Variants in RGSL1 observed in about 807,000 individuals in gnomAD.
The protein encoded by RGSL1 is regulator of G protein signaling like 1.
Under a neutral mutation model 124.7 loss-of-function variants are expected in RGSL1, and 97 were observed. The observed-to-expected ratio is 0.78, with a 90% CI of 0.66 to 0.92. The LOEUF is 0.92. Among genes scored for constraint, RGSL1 ranks in the 40% least tolerant of loss-of-function variants. RGSL1 has a pLI of 0.00. For synonymous variants in RGSL1, 424 were observed against 438.1 expected (o/e 0.97, Z 0.40); for missense variants, 1,233 against 1,288.4 (o/e 0.96, Z 0.66).
At chr1:182,524,832 C>T (rs1190688214) in intron 10 of RGSL1, among the ~76,000 whole-genome samples, 1 of 152,098 alleles carries the variant, frequency 6.6e-6, no homozygotes, top group African/African-American at 2.4e-5. Flanking sequence ...ACTAGTTGAG[C>T]AAGCAGTAAA....
rs1313507837 is a variant in RGSL1, at chr1:182,530,349, T to C, written c.2231T>C (p.Ile744Thr). 1 of 1,550,206 alleles carries C rather than the reference T, an allele frequency of 6.5e-7. No individual in the cohort carries two copies. The highest frequency in any genetic ancestry group is 2.0e-5 in the Admixed American group (1 of 50,906). Residue 744 changes from isoleucine (I) to threonine (T), a missense_variant, in exon 12 of 22, where the codon ATA (isoleucine) becomes ACA (threonine). Transcript: ENST00000294854. ...LTLQGHVMKS[I>T]EEKWFKDYQD... ...CTCCAGGGACATGTTATGAAATCTA[T>C]AGAAGAAAAGTGGTGAGTATACTCA... is the stretch of plus-strand genomic sequence containing the variant.
chr1:182,536,813 G>A (rs2102288250), intron 14 of RGSL1, among the ~76,000 whole-genome samples: 2 of 152,128 alleles, frequency 1.3e-5, no homozygotes, highest in East Asian at 3.9e-4. Context: ...TCACTATCAT[G>A]AGAACAGCAC....
chr1:182,456,307 T>C (rs180937311), intron 2 of RGSL1, among the ~76,000 whole-genome samples: 38 of 152,052 alleles, frequency 2.5e-4, no homozygotes, highest in African/African-American at 8.9e-4. Context: ...ATCTTTTTTT[T>C]TTTTTTTGAG....
intron 2 of RGSL1, among the ~76,000 whole-genome samples, chr1:182,458,064 G>T (rs935778601): frequency 6.6e-6 from 1 of 152,236 alleles, no homozygotes; most frequent in African/African-American, 2.4e-5. Flanking sequence ...GTCGGCTCAG[G>T]CTCCACAGGA....
chr1:182,553,559 C>A lies in RGSL1; in HGVS notation c.3130+18C>A, dbSNP rs1660693947. ...TCAAAATTGTGAGTTGGAATTGGAT[C>A]CCCACTGATAGTTTGCTACTCAATC... is the stretch of plus-strand genomic sequence containing the variant. On this transcript the variant is annotated intron_variant, in intron 19 of 21. Coordinates refer to ENST00000294854, the MANE Select transcript of RGSL1 (RefSeq NM_001137669.2). 1 of 1,547,422 alleles carries A rather than the reference C, an allele frequency of 6.5e-7. No homozygotes were observed. Among genetic ancestry groups the A allele is most frequent in the Non-Finnish European group, 8.7e-7 (1 of 1,143,230 alleles).
chr1:182,524,143 A>G (rs1658562482), intron 10 of RGSL1, among the ~76,000 whole-genome samples: 1 of 152,208 alleles, frequency 6.6e-6, no homozygotes, highest in South Asian at 2.1e-4. Context: ...CTGAGACCAA[A>G]TAATTAGAAA....
At chr1:182,509,607 A>C (rs1235909079) in intron 9 of RGSL1, among the ~76,000 whole-genome samples, 1 of 118,186 alleles carries the variant, frequency 8.5e-6, no homozygotes, top group South Asian at 2.9e-4. Context: ...ACTTCCCAGT[A>C]GGGGCGGCTG....
chr1:182,534,742 A>T (rs7541016), intron 14 of RGSL1, among the ~76,000 whole-genome samples: 27,709 of 151,808 alleles, frequency 0.18, 2,677 homozygotes, highest in Middle Eastern at 0.29. Flanking sequence ...CCAGAGAATC[A>T]CTTGAACCCA....
intron 9 of RGSL1, among the ~76,000 whole-genome samples, chr1:182,511,086 T>TA (rs1389728884): frequency 6.6e-6 from 1 of 152,186 alleles, no homozygotes; most frequent in Non-Finnish European, 1.5e-5. Context: ...TTTTTGTCTT[T>TA]AATACATTTT....
intron 10 of RGSL1, among the ~76,000 whole-genome samples, chr1:182,524,287 G>T (rs1454856884): frequency 2.7e-5 from 1 of 37,146 alleles, no homozygotes; most frequent in Non-Finnish European, 7.0e-5. Context: ...TGACAGAAAT[G>T]AGAGTATATA....
intron 6 of RGSL1, among the ~76,000 whole-genome samples, chr1:182,482,348 C>T (rs534850698): frequency 6.6e-6 from 1 of 152,092 alleles, no homozygotes; most frequent in East Asian, 1.9e-4. Context: ...CATTCTTGCC[C>T]CTCCTCATCA....
At chr1:182,465,254 A>C (rs1468367614) in intron 4 of RGSL1, among the ~76,000 whole-genome samples, 1 of 152,132 alleles carries the variant, frequency 6.6e-6, no homozygotes, top group African/African-American at 2.4e-5. Context: ...AGATATAGAA[A>C]ATCTGAGTAG....
At chr1:182,477,660 C>A (rs561194257) in intron 6 of RGSL1, among the ~76,000 whole-genome samples, 2 of 152,278 alleles carry the variant, frequency 1.3e-5, no homozygotes, top group African/African-American at 4.8e-5. Flanking sequence ...GAGACAGCCC[C>A]AACTGCCTTT....
intron 4 of RGSL1, among the ~76,000 whole-genome samples, chr1:182,461,671 AAAAC>A (rs1652848258): frequency 6.6e-6 from 1 of 152,208 alleles, no homozygotes; most frequent in African/African-American, 2.4e-5. Context: ...AAACCTTAAA[AAAAC>A]AAAAGTAATT....
At chr1:182,487,779 A>T (rs1300420242) in intron 6 of RGSL1, among the ~76,000 whole-genome samples, 2 of 152,228 alleles carry the variant, frequency 1.3e-5, no homozygotes, top group Non-Finnish European at 2.9e-5. Flanking sequence ...AAATGAATGA[A>T]TGAATGAAAC....
chr1:182,547,090 GTT>G (rs1660258279), intron 15 of RGSL1, among the ~76,000 whole-genome samples: 1 of 152,196 alleles, frequency 6.6e-6, no homozygotes, highest in Admixed American at 6.5e-5. Context: ...ACAGATGCTT[GTT>G]GATTGCTCAC....
At position 182,532,820 on chromosome 1, in the gene RGSL1, C is replaced by A. The variant is rs775358303; in HGVS notation, c.2494+29C>A. 1.0e-5 allele frequency: 16 copies of A among 1,540,624 alleles called. 1 individual carries two copies. The Middle Eastern group carries it at 5.0e-4, about 49-fold the overall frequency. On this transcript the variant is annotated intron_variant, in intron 14 of 21. Transcript: ENST00000294854. ...AGTCATTTCTGTATTTACCCCCACT[C>A]CCTGTTGATATTTTAGCCATGAGGG...
rs555474386 is a variant in RGSL1, at chr1:182,467,135, G to T, written c.302-5261G>T. 5.9e-4 allele frequency among the ~76,000 whole-genome samples: 90 copies of T among 152,192 alleles called. 1 individual carries two copies. Among genetic ancestry groups the T allele is most frequent in the African/African-American group, 1.9e-3 (78 of 41,524 alleles). On this transcript the variant is annotated intron_variant, in intron 4 of 21. Transcript: ENST00000294854. ...TAAAAGAGGACACAAACAAATGGAA[G>T]AACATTCCATGCTCATGGGTAGGAA...
intron 9 of RGSL1, among the ~76,000 whole-genome samples, chr1:182,513,258 A>G (rs1369033969): frequency 6.6e-6 from 1 of 152,166 alleles, no homozygotes; most frequent in Non-Finnish European, 1.5e-5. Context: ...TTTGGGGAAA[A>G]CAGAAGTCAG....
Sources: gnomAD v4.1 joint callset for allele counts (sites outside exome capture counted in the v4.1 genomes callset) on GRCh38, gnomAD v4.1.1 for gene constraint, MANE v1.5 for transcripts, NCBI Gene and HGNC (gene_info 2026-07-23, HGNC 2026-07-21) for gene names.